Variants in FAT3 observed in about 807,000 individuals in gnomAD.
The protein encoded by FAT3 is protocadherin Fat 3.
A neutral mutation model predicts 310.2 loss-of-function variants in FAT3; 95 were observed. The ratio of observed to expected loss-of-function variants is 0.31; its 90% CI spans 0.26 to 0.36. The LOEUF (loss-of-function observed/expected upper bound fraction) is 0.36. FAT3 is among the 10% of genes least tolerant of loss of function. The pLI is 1.00. For synonymous variants in FAT3, 2,314 were observed against 2,192.9 expected, an observed-to-expected ratio of 1.06 and a Z score of -1.54; for missense variants, 5,408 against 5,715.6, an observed-to-expected ratio of 0.95 and a Z score of 1.74.
intron 1 of FAT3, among the ~76,000 whole-genome samples, chr11:92,230,143 T>C (rs1014433066): frequency 1.3e-5 from 2 of 152,222 alleles, no homozygotes; most frequent in African/African-American, 4.8e-5. Context: ...TTATAGACTC[T>C]TTAATAAAGG....
chr11:92,677,342 G>A lies in FAT3; in HGVS notation c.3608-20042G>A, dbSNP rs61901898. ...ATATGTAAGTAAGAGATCCTTGCCC[G>A]GAGGAGCAGAGAGTTGCTCTGATAG... On this transcript the variant is annotated intron_variant, in intron 3 of 27. Transcript: ENST00000525166. Among the ~76,000 whole-genome samples, 1,261 of 152,266 alleles carry A rather than the reference G, an allele frequency of 8.3e-3. 5 individuals are homozygous for A. Among genetic ancestry groups the A allele is most frequent in the Non-Finnish European group, 0.013 (895 of 68,022 alleles).
chr11:92,735,520 A>G (rs1241369015), intron 4 of FAT3, among the ~76,000 whole-genome samples: 1 of 152,026 alleles, frequency 6.6e-6, no homozygotes, highest in Non-Finnish European at 1.5e-5. Flanking sequence ...GACACAAACT[A>G]TTCACAAGTG....
intron 2 of FAT3, among the ~76,000 whole-genome samples, chr11:92,423,205 A>G (rs888299624): frequency 3.3e-5 from 5 of 152,148 alleles, no homozygotes; most frequent in Non-Finnish European, 7.4e-5. Context: ...CTGGACAGCC[A>G]TGGATTCCTC....
At chr11:92,803,007 C>T (rs369123561) in intron 10 of FAT3, among the ~76,000 whole-genome samples, 1 of 142,558 alleles carries the variant, frequency 7.0e-6, no homozygotes, top group Non-Finnish European at 1.5e-5. Flanking sequence ...CCTTGAAACA[C>T]TTTATGATCT....
chr11:92,451,767 T>A (rs187206422), intron 2 of FAT3, among the ~76,000 whole-genome samples: 1 of 152,280 alleles, frequency 6.6e-6, no homozygotes, highest in African/African-American at 2.4e-5. Flanking sequence ...AAGTCCTTTA[T>A]AGTGAAGAAG....
At chr11:92,474,466 T>C (rs1951995845) in intron 2 of FAT3, among the ~76,000 whole-genome samples, 1 of 151,988 alleles carries the variant, frequency 6.6e-6, no homozygotes, top group Admixed American at 6.6e-5. Context: ...CCTTAACTGG[T>C]TGTAATTCAT....
rs559956546 is a variant in FAT3 at position 92,889,374 on chromosome 11, G to A, written c.13111+126G>A. The A allele has an allele frequency of 4.5e-4, 210 of 468,846 alleles. 2 individuals carry two copies. In the South Asian group the frequency reaches 9.8e-3, roughly 22 times the overall value. 29.0% of individuals were successfully genotyped at this position (468,846 alleles called of 1,614,324 possible). A position where few individuals can be genotyped will look rare whatever the true frequency, so the allele number is the denominator to read the frequency against. On this transcript the variant is annotated intron_variant, in intron 26 of 27. Transcript: ENST00000525166. ...AACAGCTGGTTTCTGATGAGATGTGGGATATTTATGGATCTGTTTTAAAAT... is the reference window on the plus strand; with the variant it reads ...AACAGCTGGTTTCTGATGAGATGTGAGATATTTATGGATCTGTTTTAAAAT...
chr11:92,531,640 C>T (rs889518102), intron 3 of FAT3, among the ~76,000 whole-genome samples: 1 of 152,130 alleles, frequency 6.6e-6, no homozygotes, highest in Non-Finnish European at 1.5e-5. Flanking sequence ...CCACTGAGAA[C>T]AGGTAGCGAT....
At chr11:92,403,617 T>G (rs1950071933) in intron 2 of FAT3, among the ~76,000 whole-genome samples, 1 of 152,160 alleles carries the variant, frequency 6.6e-6, no homozygotes, top group Non-Finnish European at 1.5e-5. Context: ...TGGAGCTTAT[T>G]TCCAGGGGTG....
Position 92,790,092 on chromosome 11 carries a change from C to T in FAT3, c.4485C>T (p.Tyr1495=), listed in dbSNP as rs1157403982. Residue 1495 remains tyrosine (Y), a synonymous_variant, in exon 8 of 28, where the codon TAC becomes TAT. Transcript: ENST00000525166. The stretch of plus-strand genomic sequence containing the variant: ...GAGATGAGAAGCACAAGCTGAGCTA[C>T]ACTGTTCATAGCAGCATCGACTCCA... ...TDRDEKHKLS[Y]TVHSSIDSIS... is the part of the protein sequence containing the mutation. 2.5e-6 allele frequency: 4 copies of T among 1,613,826 alleles called. No individual in the cohort carries two copies. The highest frequency in any genetic ancestry group is 1.7e-5 in the Admixed American group (1 of 60,016).
intron 2 of FAT3, among the ~76,000 whole-genome samples, chr11:92,492,401 A>T (rs1325679465): frequency 6.6e-6 from 1 of 151,998 alleles, no homozygotes; most frequent in Non-Finnish European, 1.5e-5. Flanking sequence ...TCTAAGATGC[A>T]ATTTCCACAT....
intron 1 of FAT3, among the ~76,000 whole-genome samples, chr11:92,309,740 A>G (rs1947247948): frequency 6.6e-6 from 1 of 152,176 alleles, no homozygotes; most frequent in Non-Finnish European, 1.5e-5. Flanking sequence ...TGGGTACTGC[A>G]GGAGGAGCCC....
chr11:92,844,769 A>T (rs1248226798), intron 19 of FAT3, 37 bp downstream of exon 19: 1 of 1,459,090 alleles, frequency 6.9e-7, no homozygotes, highest in Non-Finnish European at 9.1e-7. Flanking sequence ...TCAACTCCTG[A>T]GATTGTAGGA....
At chr11:92,756,506 A>G (rs935565511) in intron 4 of FAT3, among the ~76,000 whole-genome samples, 1 of 152,244 alleles carries the variant, frequency 6.6e-6, no homozygotes, top group Non-Finnish European at 1.5e-5. Context: ...TAGCCTGGAA[A>G]TAATCATTTG....
intron 1 of FAT3, among the ~76,000 whole-genome samples, chr11:92,250,169 A>T (rs1384231095): frequency 1.3e-5 from 2 of 152,124 alleles, no homozygotes; most frequent in African/African-American, 4.8e-5. Flanking sequence ...TTGTTTACAG[A>T]TACGAAGTGG....
intron 13 of FAT3, among the ~76,000 whole-genome samples, chr11:92,812,820 C>A (rs148689527): frequency 3.3e-4 from 50 of 152,212 alleles, no homozygotes; most frequent in Non-Finnish European, 4.6e-4. Flanking sequence ...ACTTTACTTG[C>A]TTATTGATAT....
intron 1 of FAT3, among the ~76,000 whole-genome samples, chr11:92,313,748 C>A (rs952022330): frequency 5.3e-5 from 8 of 152,108 alleles, no homozygotes; most frequent in Admixed American, 5.2e-4. Flanking sequence ...TTAGTAGAGA[C>A]GGGGTTTCAC....
intron 1 of FAT3, among the ~76,000 whole-genome samples, chr11:92,279,479 A>T (rs1412480934): frequency 1.3e-5 from 2 of 152,162 alleles, no homozygotes; most frequent in Admixed American, 1.3e-4. Context: ...TAAGTGCTTC[A>T]CATGTATTAA....
intron 2 of FAT3, chr11:92,366,564 A>G (rs115012986): frequency 3.9e-6 from 2 of 510,410 alleles, no homozygotes; most frequent in Non-Finnish European, 7.9e-6. Context: ...CAAGAACTGC[A>G]TGCGCCTGAT....
Sources: gnomAD v4.1 joint callset for allele counts (sites outside exome capture counted in the v4.1 genomes callset) on GRCh38, gnomAD v4.1.1 for gene constraint, MANE v1.5 for transcripts, NCBI Gene and HGNC (gene_info 2026-07-23, HGNC 2026-07-21) for gene names.